The following CD27 variants were observed in gnomAD, a reference collection of about 807,000 sequenced individuals.
The protein encoded by CD27 is CD27 antigen.
CD27 carries 16 observed loss-of-function variants against 25.9 expected under a neutral mutation model. That is an observed-to-expected ratio of 0.62 (90% CI 0.42 to 0.94). CD27 has a LOEUF of 0.94. Ranked by LOEUF, CD27 falls within the 40% of genes least tolerant of loss-of-function variation. The pLI is 0.00. For missense variants in CD27, 300 were observed against 333.2 expected, an observed-to-expected ratio of 0.90 and a Z score of 0.78; for synonymous variants, 142 against 124.3, an observed-to-expected ratio of 1.14 and a Z score of -0.95.
chr12:6,446,801 A>ACACAC (rs1555123062), intron 2 of CD27, among the ~76,000 whole-genome samples: 1 of 132,004 alleles, frequency 7.6e-6, no homozygotes, highest in Non-Finnish European at 1.7e-5. Context: ...CACACACACA[A>ACACAC]AAAGCCAGAG....
rs537507962 is a variant in CD27, at chr12:6,445,738, G to A, written c.268+183G>A. 6.6e-6 allele frequency among the ~76,000 whole-genome samples: 1 copy of A among 152,266 alleles called. No individual in the cohort carries two copies. Among genetic ancestry groups the A allele is most frequent in the Admixed American group, 6.5e-5 (1 of 15,284 alleles). ...CCCTAGGTGGGGCATGAATTAACGT[G>A]GGCAGACATCTAGTATTCCAGGAAA... On this transcript the variant is annotated intron_variant, in intron 2 of 5. Transcript: ENST00000266557. The surrounding 1 kb of genome is among the most constrained non-coding windows in gnomAD (Gnocchi z 4.5).
intron 2 of CD27, among the ~76,000 whole-genome samples, chr12:6,449,639 AG>A (rs1949482658): frequency 6.6e-6 from 1 of 152,176 alleles, no homozygotes; most frequent in Non-Finnish European, 1.5e-5. Flanking sequence ...ACCTGAGGTC[AG>A]GAGTTTAATA....
intron 2 of CD27, among the ~76,000 whole-genome samples, chr12:6,449,362 G>A (rs1479662706): frequency 7.1e-6 from 1 of 140,186 alleles, no homozygotes; most frequent in African/African-American, 2.7e-5. Context: ...TGCCCAGGCT[G>A]GAGTGCAGTG....
At position 6,445,185 on chromosome 12, in the gene CD27, G is replaced by A. The variant is rs1949396007; in HGVS notation, c.90G>A (p.Arg30=). ...CAGCCCCCAAGAGCTGCCCAGAGAG[G>A]CACTACTGGGCTCAGGGAAAGCTGT... is the stretch of plus-strand genomic sequence containing the variant. ...ATPAPKSCPE[R]HYWAQGKLCC... is the part of the protein sequence containing the mutation. Residue 30 remains arginine (R), a synonymous_variant, in exon 1 of 6, where the codon AGG becomes AGA. Coordinates refer to ENST00000266557, the MANE Select transcript of CD27 (RefSeq NM_001242.5). This position sits in a 1 kb window ranked among gnomAD's most constrained non-coding sequence, Gnocchi z 4.5. 1 of 1,613,172 alleles carries A rather than the reference G, an allele frequency of 6.2e-7. No homozygotes were observed. The highest frequency in any genetic ancestry group is 8.5e-7 in the Non-Finnish European group (1 of 1,179,692).
rs71584821 is a variant in CD27, at chr12:6,445,305, G to A, written c.136+74G>A. The A allele has an allele frequency of 2.2e-3, 3,548 of 1,609,056 alleles. 29 individuals carry two copies. The highest frequency in any genetic ancestry group is 0.01 in the South Asian group (947 of 90,754). ...ACTGGGGTTAATACAGTAAATAGGC[G>A]CAGGGTGAGACTGAGCTCAAGCAAG... On this transcript the variant is annotated intron_variant, in intron 1 of 5. Coordinates refer to ENST00000266557, the MANE Select transcript of CD27 (RefSeq NM_001242.5). This position sits in a 1 kb window ranked among gnomAD's most constrained non-coding sequence, Gnocchi z 4.5.
chr12:6,450,871 C>T lies in CD27; in HGVS notation c.539-24C>T. On this transcript the variant is annotated intron_variant, in intron 4 of 5. Coordinates refer to ENST00000266557, the MANE Select transcript of CD27 (RefSeq NM_001242.5). This position sits in a 1 kb window ranked among gnomAD's most constrained non-coding sequence, Gnocchi z 4.1. ...CCAAGGGCTAGACCCTCCCCTAACCCCTGTGTGTCCCCTCCTATTACAGCC... is the reference window on the plus strand; with the variant it reads ...CCAAGGGCTAGACCCTCCCCTAACCTCTGTGTGTCCCCTCCTATTACAGCC... 1 of 1,614,026 alleles carries T rather than the reference C, an allele frequency of 6.2e-7. No individual in the cohort carries two copies. Among genetic ancestry groups the T allele is most frequent in the Non-Finnish European group, 8.5e-7 (1 of 1,179,964 alleles).
At position 6,450,048 on chromosome 12, in the gene CD27, G is replaced by C. The variant is rs1488779246; in HGVS notation, c.269-125G>C. ...AAAGGGCAGGCCTTTGCAGGGGTGGGAATGGAAAGGGAAGCACGTCCCTAG... is the reference window on the plus strand; with the variant it reads ...AAAGGGCAGGCCTTTGCAGGGGTGGCAATGGAAAGGGAAGCACGTCCCTAG... On this transcript the variant is annotated intron_variant, in intron 2 of 5. Coordinates refer to ENST00000266557, the MANE Select transcript of CD27 (RefSeq NM_001242.5). The surrounding 1 kb of genome is among the most constrained non-coding windows in gnomAD (Gnocchi z 4.1). 1 of 747,716 alleles carries C rather than the reference G, an allele frequency of 1.3e-6. No individual in the cohort carries two copies. Among genetic ancestry groups the C allele is most frequent in the Non-Finnish European group, 2.2e-6 (1 of 461,942 alleles). 46.3% of individuals were successfully genotyped at this position (747,716 alleles called of 1,614,324 possible). A position where few individuals can be genotyped will look rare whatever the true frequency, so the allele number is the denominator to read the frequency against.
Position 6,450,430 on chromosome 12 carries a change from T to C in CD27, c.448+78T>C. ...AACCAGTACTCCCCACTCCTACCCC[T>C]AGATAAGGTCAGCCTGTTTCTGCCT... On this transcript the variant is annotated intron_variant, in intron 3 of 5. Coordinates refer to ENST00000266557, the MANE Select transcript of CD27 (RefSeq NM_001242.5). This position sits in a 1 kb window ranked among gnomAD's most constrained non-coding sequence, Gnocchi z 4.1. 1 of 1,538,008 alleles carries C rather than the reference T, an allele frequency of 6.5e-7. No individual in the cohort carries two copies.
Position 6,450,730 on chromosome 12 carries a change from G to C in CD27, c.538+100G>C, listed in dbSNP as rs1329414496. The C allele has an allele frequency of 3.5e-6, 5 of 1,420,136 alleles. No individual in the cohort carries two copies. The highest frequency in any genetic ancestry group is 1.8e-5 in the Admixed American group (1 of 55,808). The allele number at this position is 1,420,136 out of a possible 1,614,324, so 88.0% of individuals were successfully genotyped here. ...GCTCCTAGGATTAGGGATAAGAGGA[G>C]GGGAAAAAGCAGAGTCCACTGTTTA... On this transcript the variant is annotated intron_variant, in intron 4 of 5. Coordinates refer to ENST00000266557, the MANE Select transcript of CD27 (RefSeq NM_001242.5). This position sits in a 1 kb window ranked among gnomAD's most constrained non-coding sequence, Gnocchi z 4.1.
Position 6,445,974 on chromosome 12 carries a change from T to C in CD27, c.268+419T>C, listed in dbSNP as rs1478967455. On this transcript the variant is annotated intron_variant, in intron 2 of 5. Coordinates refer to ENST00000266557, the MANE Select transcript of CD27 (RefSeq NM_001242.5). The surrounding 1 kb of genome is among the most constrained non-coding windows in gnomAD (Gnocchi z 4.5). ...GGAAATAACAAAGCAACCCAATAGG[T>C]AACAACCTTTTTTTGCACAAAAGCC... Among the ~76,000 whole-genome samples, 1 of 152,126 alleles carries C rather than the reference T, an allele frequency of 6.6e-6. No individual in the cohort carries two copies. Among genetic ancestry groups the C allele is most frequent in the African/African-American group, 2.4e-5 (1 of 41,416 alleles).
chr12:6,444,216 G>A (rs1166852043), upstream of CD27, among the ~76,000 whole-genome samples: 1 of 152,130 alleles, frequency 6.6e-6, no homozygotes, highest in East Asian at 1.9e-4. Flanking sequence ...CCACATCAGA[G>A]ACTGACATGA....
At chr12:6,449,315 CTTTTT>C (rs549905322) in intron 2 of CD27, among the ~76,000 whole-genome samples, 1 of 123,730 alleles carries the variant, frequency 8.1e-6, no homozygotes, top group Admixed American at 8.7e-5. Flanking sequence ...TCTTTCTTTT[CTTTTT>C]TTTTTTTTTT....
chr12:6,446,631 A>G (rs1360630494), intron 2 of CD27, among the ~76,000 whole-genome samples: 1 of 152,032 alleles, frequency 6.6e-6, no homozygotes, highest in African/African-American at 2.4e-5. Context: ...CTCTAAAAAA[A>G]TTGGCTGGTC....
Position 6,451,377 on chromosome 12 carries a change from T to C in CD27, c.768T>C (p.Pro256=). The change falls in exon 6 of 6, where the codon CCT becomes CCC. Residue 256 remains proline (P), a synonymous_variant. Coordinates refer to ENST00000266557, the MANE Select transcript of CD27 (RefSeq NM_001242.5). Reference sequence around the variant, plus strand: ...AGGAGGATTACCGAAAACCGGAGCCTGCCTGCTCCCCCTGAGCCAGCACCT... The same window carrying C: ...AGGAGGATTACCGAAAACCGGAGCCCGCCTGCTCCCCCTGAGCCAGCACCT... ...PIQEDYRKPE[P]ACSP 6.2e-7 allele frequency: 1 copy of C among 1,613,308 alleles called. No individual in the cohort carries two copies. The highest frequency in any genetic ancestry group is 8.5e-7 in the Non-Finnish European group (1 of 1,179,944).
chr12:6,445,858 G>C lies in CD27; in HGVS notation c.268+303G>C, dbSNP rs1003565744. 2.0e-5 allele frequency among the ~76,000 whole-genome samples: 3 copies of C among 152,080 alleles called. No individual in the cohort carries two copies. Among genetic ancestry groups the C allele is most frequent in the African/African-American group, 7.2e-5 (3 of 41,412 alleles). On this transcript the variant is annotated intron_variant, in intron 2 of 5. Transcript: ENST00000266557. The surrounding 1 kb of genome is among the most constrained non-coding windows in gnomAD (Gnocchi z 4.5). Reference sequence around the variant, plus strand: ...AAGTGGCTCTATGACCCCAGATTTCGGGCAAGCAACCCCCAACCAATAAAC... The same window carrying C: ...AAGTGGCTCTATGACCCCAGATTTCCGGCAAGCAACCCCCAACCAATAAAC...
At position 6,445,682 on chromosome 12, in the gene CD27, G is replaced by A. The variant is rs1299460107; in HGVS notation, c.268+127G>A. The A allele has an allele frequency of 8.1e-7, 1 of 1,235,522 alleles. No individual in the cohort carries two copies. Among genetic ancestry groups the A allele is most frequent in the Non-Finnish European group, 1.1e-6 (1 of 907,274 alleles). The allele number at this position is 1,235,522 out of a possible 1,614,324, so 76.5% of individuals were successfully genotyped here. On this transcript the variant is annotated intron_variant, in intron 2 of 5. Transcript: ENST00000266557. This position sits in a 1 kb window ranked among gnomAD's most constrained non-coding sequence, Gnocchi z 4.5. The stretch of plus-strand genomic sequence containing the variant: ...GCTTTGGCCTTCTTCAAGGCTCACA[G>A]CAAGTGGAGCCAATGCTGGGAAATG...
Position 6,445,338 on chromosome 12 carries a change from A to G in CD27, c.137-86A>G, listed in dbSNP as rs1469259942. 1.2e-6 allele frequency: 2 copies of G among 1,608,138 alleles called. No homozygotes were observed. Among genetic ancestry groups the G allele is most frequent in the Non-Finnish European group, 1.7e-6 (2 of 1,176,040 alleles). ...AGACTGAGCTCAAGCAAGGAGGGAA[A>G]TCCTGCAGCTGTGGGGAGGCACCAC... On this transcript the variant is annotated intron_variant, in intron 1 of 5. Transcript: ENST00000266557. The surrounding 1 kb of genome is among the most constrained non-coding windows in gnomAD (Gnocchi z 4.5).
chr12:6,449,330 T>TTC (rs1459982095), intron 2 of CD27, among the ~76,000 whole-genome samples: 2 of 149,184 alleles, frequency 1.3e-5, no homozygotes, highest in East Asian at 3.9e-4. Context: ...TTTTTTTTTT[T>TTC]TGAGACGGAG....
rs1949397343 is a variant in CD27 at position 6,445,239 on chromosome 12, G to A, written c.136+8G>A. On this transcript the variant is annotated splice_region_variant and intron_variant, in intron 1 of 5. Transcript: ENST00000266557. This position sits in a 1 kb window ranked among gnomAD's most constrained non-coding sequence, Gnocchi z 4.5. ...GCCAGATGTGTGAGCCAGGTAAGAG[G>A]GGGCCTTGGTAAGGGCCAGGTGAGT... is the stretch of plus-strand genomic sequence containing the variant. 1 of 1,614,036 alleles carries A rather than the reference G, an allele frequency of 6.2e-7. No individual in the cohort carries two copies. Among genetic ancestry groups the A allele is most frequent in the South Asian group, 1.1e-5 (1 of 91,080 alleles).
Sources: allele counts gnomAD v4.1 joint callset (sites outside exome capture counted in the v4.1 genomes callset), GRCh38; gene constraint gnomAD v4.1.1; non-coding constraint Gnocchi (gnomAD v3.1); transcripts MANE v1.5; gene names NCBI Gene and HGNC (gene_info 2026-07-23, HGNC 2026-07-21).